STARD13: variants seen among roughly 807,000 people sequenced by gnomAD.
STARD13 encodes StAR related lipid transfer domain containing 13, also known as stAR-related lipid transfer protein 13.
In STARD13, 62 loss-of-function variants were observed where a neutral mutation model predicts 106.4. The observed-to-expected ratio is 0.58, with a 90% CI of 0.48 to 0.72. The LOEUF (loss-of-function observed/expected upper bound fraction) is 0.72, where lower values mean the gene tolerates loss of function less well. STARD13 is among the 30% of genes least tolerant of loss of function. The probability of loss-of-function intolerance (pLI) is 0.00; values close to 1 mark genes in which losing one functional copy is unlikely to be tolerated. For synonymous variants in STARD13, 565 were observed against 553.0 expected, an observed-to-expected ratio of 1.02 and a Z score of -0.31; for missense variants, 1,387 against 1,424.0, an observed-to-expected ratio of 0.97 and a Z score of 0.42.
chr13:33,423,594 G>T, the STARD13 span, among the ~76,000 whole-genome samples: 4 of 152,150 alleles, frequency 2.6e-5, no homozygotes, highest in South Asian at 8.3e-4. Context: ...CCATTACTGG[G>T]TATATACCCA....
downstream of STARD13, among the ~76,000 whole-genome samples, chr13:33,344,251 T>C (rs1028318682): frequency 3.3e-5 from 5 of 152,206 alleles, no homozygotes; most frequent in Non-Finnish European, 5.9e-5. Context: ...CTGATATAAG[T>C]GATGTGCTCT....
At chr13:33,522,323 C>T in the STARD13 span, among the ~76,000 whole-genome samples, 12 of 152,064 alleles carry the variant, frequency 7.9e-5, 1 homozygote, top group Non-Finnish European at 1.3e-4. Flanking sequence ...ATCAACATAG[C>T]CCACTGTACC....
the STARD13 span, among the ~76,000 whole-genome samples, chr13:33,654,251 T>C: frequency 6.6e-6 from 1 of 152,182 alleles, no homozygotes; most frequent in Non-Finnish European, 1.5e-5. Context: ...CATCATCTGA[T>C]GAATTGACAA....
chr13:33,462,392 T>A, the STARD13 span, among the ~76,000 whole-genome samples: 1 of 152,198 alleles, frequency 6.6e-6, no homozygotes, highest in Admixed American at 6.5e-5. Flanking sequence ...CTCTTTAATA[T>A]TTGTGTTAGT....
At chr13:33,114,923 C>G (rs562530690) in intron 8 of STARD13, among the ~76,000 whole-genome samples, 1 of 152,242 alleles carries the variant, frequency 6.6e-6, no homozygotes, top group African/African-American at 2.4e-5. Flanking sequence ...ACATACCATG[C>G]TGCTGCGGGT....
the STARD13 span, among the ~76,000 whole-genome samples, chr13:33,579,412 T>G: frequency 1.3e-5 from 2 of 152,026 alleles, no homozygotes; most frequent in Non-Finnish European, 2.9e-5. Context: ...AAATACTGTA[T>G]GTTCTCACAT....
At chr13:33,579,887 A>C in the STARD13 span, among the ~76,000 whole-genome samples, 6 of 152,046 alleles carry the variant, frequency 3.9e-5, no homozygotes, top group Non-Finnish European at 8.8e-5. Flanking sequence ...CACATCTATT[A>C]GAATGACTAA....
At chr13:33,459,062 T>C in the STARD13 span, among the ~76,000 whole-genome samples, 3 of 152,146 alleles carry the variant, frequency 2.0e-5, no homozygotes, top group African/African-American at 7.2e-5. Context: ...TATTTTAATC[T>C]TGCTGTCTTT....
chr13:33,213,088 A>G (rs1887818569), intron 1 of STARD13, among the ~76,000 whole-genome samples: 3 of 152,308 alleles, frequency 2.0e-5, no homozygotes, highest in African/African-American at 7.2e-5. Flanking sequence ...CAGACAGTAC[A>G]TCTGTAACAT....
chr13:33,298,793 GC>G (rs1338962876), intron 1 of STARD13, among the ~76,000 whole-genome samples: 1 of 152,044 alleles, frequency 6.6e-6, no homozygotes, highest in African/African-American at 2.4e-5. Context: ...CTTGCATGTA[GC>G]TTTTTGGAGA....
the STARD13 span, among the ~76,000 whole-genome samples, chr13:33,377,309 A>G: frequency 6.6e-6 from 1 of 152,082 alleles, no homozygotes; most frequent in Non-Finnish European, 1.5e-5. Flanking sequence ...GGTAAAAAAA[A>G]CATTTAATTT....
intron 1 of STARD13, among the ~76,000 whole-genome samples, chr13:33,297,137 C>A (rs1456514201): frequency 6.6e-6 from 1 of 152,206 alleles, no homozygotes; most frequent in South Asian, 2.1e-4. Context: ...ATCTTTACAG[C>A]GTGATGCTTA....
chr13:33,626,140 C>A, the STARD13 span, among the ~76,000 whole-genome samples: 11 of 152,194 alleles, frequency 7.2e-5, no homozygotes, highest in East Asian at 7.7e-4. Context: ...AACACACACA[C>A]ACACATCTGC....
the STARD13 span, among the ~76,000 whole-genome samples, chr13:33,501,875 G>A: frequency 2.6e-5 from 4 of 151,764 alleles, no homozygotes; most frequent in South Asian, 6.2e-4. Context: ...TTTTTTTTTG[G>A]TTCCGTATGA....
intron 1 of STARD13, among the ~76,000 whole-genome samples, chr13:33,217,865 C>A (rs142420581): frequency 6.6e-6 from 1 of 152,284 alleles, no homozygotes; most frequent in African/African-American, 2.4e-5. Context: ...CAACAGGAAG[C>A]CCTCAGTCTA....
the STARD13 span, among the ~76,000 whole-genome samples, chr13:33,456,617 T>G: frequency 1.3e-5 from 2 of 152,212 alleles, no homozygotes; most frequent in Non-Finnish European, 2.9e-5. Context: ...CATGGCCTTT[T>G]CTCCTTGTAA....
the STARD13 span, among the ~76,000 whole-genome samples, chr13:33,487,398 G>C: frequency 6.6e-6 from 1 of 152,076 alleles, no homozygotes; most frequent in African/African-American, 2.4e-5. Flanking sequence ...GAATCCAAAA[G>C]TTAAAAATAC....
At chr13:33,234,589 A>C (rs1371245680) in intron 1 of STARD13, among the ~76,000 whole-genome samples, 1 of 152,260 alleles carries the variant, frequency 6.6e-6, no homozygotes, top group East Asian at 1.9e-4. Context: ...TAATGTTATG[A>C]AATGTTAGTC....
intron 1 of STARD13, among the ~76,000 whole-genome samples, chr13:33,224,604 C>T (rs186599015): frequency 6.6e-6 from 1 of 152,326 alleles, no homozygotes; most frequent in East Asian, 1.9e-4. Context: ...CATGTAACTT[C>T]TACTCACATT....
Sources: gnomAD v4.1 joint callset for allele counts (sites outside exome capture counted in the v4.1 genomes callset) on GRCh38, gnomAD v4.1.1 for gene constraint, MANE v1.5 for transcripts, NCBI Gene and HGNC (gene_info 2026-07-23, HGNC 2026-07-21) for gene names.